TBCK: variants seen among roughly 807,000 people sequenced by gnomAD.
TBCK encodes TBC domain-containing protein kinase-like protein.
In TBCK, 99 loss-of-function variants were observed where a neutral mutation model predicts 113.4. The observed-to-expected ratio is 0.87, with a 90% CI of 0.74 to 1.03. The LOEUF is 1.03. TBCK is among the 50% of genes least tolerant of loss of function. TBCK has a pLI of 0.00. For synonymous variants in TBCK, 369 were observed against 370.8 expected, an observed-to-expected ratio of 1.00 and a Z score of 0.05; for missense variants, 1,045 against 1,061.3, an observed-to-expected ratio of 0.98 and a Z score of 0.21.
intron 25 of TBCK, among the ~76,000 whole-genome samples, chr4:106,083,550 T>TC (rs928936228): frequency 2.6e-5 from 4 of 152,024 alleles, no homozygotes; most frequent in African/African-American, 9.7e-5. Context: ...CGAGTGGGTT[T>TC]CCCCCCAGTG....
At chr4:106,073,923 G>T (rs915924682) in intron 25 of TBCK, among the ~76,000 whole-genome samples, 3 of 152,336 alleles carry the variant, frequency 2.0e-5, no homozygotes, top group African/African-American at 7.2e-5. Flanking sequence ...CACTGAGCCA[G>T]GCACAGGATA....
chr4:106,175,430 A>G (rs909855628), intron 22 of TBCK, among the ~76,000 whole-genome samples: 3 of 150,004 alleles, frequency 2.0e-5, no homozygotes, highest in Non-Finnish European at 4.4e-5. Flanking sequence ...ATTTGGGGAC[A>G]TGGTTATTTT....
upstream of TBCK, chr4:106,316,560 G>A (rs765085658): frequency 2.6e-6 from 4 of 1,551,622 alleles, no homozygotes; most frequent in East Asian, 4.9e-5. Context: ...GCTTCCTGCT[G>A]TGGCTGTCTC....
intron 3 of TBCK, among the ~76,000 whole-genome samples, chr4:106,293,802 AG>A (rs978844286): frequency 2.6e-5 from 4 of 152,234 alleles, no homozygotes; most frequent in Non-Finnish European, 5.9e-5. Context: ...ATTATTAACC[AG>A]TCAGAGTAAC....
chr4:106,281,750 C>T (rs1764618093), intron 3 of TBCK, among the ~76,000 whole-genome samples: 1 of 152,028 alleles, frequency 6.6e-6, no homozygotes, highest in South Asian at 2.1e-4. Flanking sequence ...ATCCTTGCAT[C>T]CCTGGGATAA....
At chr4:106,107,321 C>A (rs1742285066) in intron 24 of TBCK, among the ~76,000 whole-genome samples, 1 of 152,158 alleles carries the variant, frequency 6.6e-6, no homozygotes. Flanking sequence ...CACCCCAAAC[C>A]AACAGAATAT....
intron 2 of TBCK, among the ~76,000 whole-genome samples, chr4:106,307,557 T>A (rs1038731834): frequency 1.3e-5 from 2 of 152,148 alleles, no homozygotes; most frequent in Non-Finnish European, 2.9e-5. Context: ...AAGAAAACAT[T>A]GTTTGCATTT....
intron 25 of TBCK, among the ~76,000 whole-genome samples, chr4:106,080,527 T>C (rs1378993495): frequency 6.6e-6 from 1 of 152,202 alleles, no homozygotes; most frequent in Admixed American, 6.5e-5. Context: ...TGACTCCAGA[T>C]GGATTAAAGA....
intron 24 of TBCK, among the ~76,000 whole-genome samples, chr4:106,114,013 C>T (rs1743189752): frequency 6.6e-6 from 1 of 152,148 alleles, no homozygotes; most frequent in African/African-American, 2.4e-5. Flanking sequence ...CATGTCACTC[C>T]TTAATTGGAA....
chr4:106,077,071 A>G (rs1738278446), intron 25 of TBCK, among the ~76,000 whole-genome samples: 2 of 152,204 alleles, frequency 1.3e-5, no homozygotes, highest in Admixed American at 1.3e-4. Flanking sequence ...ACTGCACTCC[A>G]GCTGGGGAGA....
rs145762773 is a variant in TBCK, at chr4:106,073,951, G to C, written c.2571+21531C>G. On this transcript the variant is annotated intron_variant, in intron 25 of 25. Coordinates refer to ENST00000394708, the MANE Select transcript of TBCK (RefSeq NM_001163435.3). Reference sequence around the variant, plus strand: ...ACAGGATATAATCTCCTGGAGTGCCGTTTGCTAAGACCATTGGAAAAGTGC... The same window carrying C: ...ACAGGATATAATCTCCTGGAGTGCCCTTTGCTAAGACCATTGGAAAAGTGC... 3.9e-3 allele frequency among the ~76,000 whole-genome samples: 593 copies of C among 152,312 alleles called. 6 individuals carry two copies. The highest frequency in any genetic ancestry group is 0.013 in the African/African-American group (545 of 41,568).
At chr4:106,082,753 G>A (rs1739033576) in intron 25 of TBCK, among the ~76,000 whole-genome samples, 3 of 152,102 alleles carry the variant, frequency 2.0e-5, no homozygotes, top group Admixed American at 2.0e-4. Flanking sequence ...TCCTTCACTG[G>A]CAACCAAGGT....
chr4:106,175,358 ATTTT>A (rs34198925), intron 22 of TBCK, among the ~76,000 whole-genome samples: 1 of 137,298 alleles, frequency 7.3e-6, no homozygotes. Flanking sequence ...ATCAGATTGA[ATTTT>A]TTTTTTTTTT....
chr4:106,240,716 G>T (rs1760013725), intron 12 of TBCK, among the ~76,000 whole-genome samples: 1 of 151,838 alleles, frequency 6.6e-6, no homozygotes, highest in Non-Finnish European at 1.5e-5. Context: ...GCCTAGAAAA[G>T]AACTATAAAC....
chr4:106,173,036 A>G (rs532441692), intron 22 of TBCK, among the ~76,000 whole-genome samples: 27 of 152,272 alleles, frequency 1.8e-4, no homozygotes, highest in African/African-American at 5.8e-4. Flanking sequence ...CAGTTACTCA[A>G]TTAGGCATTC....
At chr4:106,160,658 A>C (rs1463570696) in intron 23 of TBCK, among the ~76,000 whole-genome samples, 1 of 152,088 alleles carries the variant, frequency 6.6e-6, no homozygotes, top group Non-Finnish European at 1.5e-5. Context: ...ACCCTTGCAC[A>C]CTGTTGGTAA....
At chr4:106,177,167 G>C (rs1425609305) in intron 22 of TBCK, among the ~76,000 whole-genome samples, 1 of 151,802 alleles carries the variant, frequency 6.6e-6, no homozygotes, top group African/African-American at 2.4e-5. Context: ...TGTCTATTCA[G>C]ATCATCTACC....
At position 106,235,376 on chromosome 4, in the gene TBCK, T is replaced by A. The variant is rs774815942; in HGVS notation, c.1351-9A>T. On this transcript the variant is annotated splice_polypyrimidine_tract_variant and intron_variant, in intron 14 of 25. Transcript: ENST00000394708. Reference sequence around the variant, plus strand: ...TTTTTATATGGATAAGCCTATGATATCAAAAAAGAAATGAAAACGTCTCAA... The same window carrying A: ...TTTTTATATGGATAAGCCTATGATAACAAAAAAGAAATGAAAACGTCTCAA... 5 of 1,572,486 alleles carry A rather than the reference T, an allele frequency of 3.2e-6. No individual in the cohort carries two copies. The highest frequency in any genetic ancestry group is 4.5e-5 in the East Asian group (2 of 44,168).
intron 3 of TBCK, among the ~76,000 whole-genome samples, chr4:106,273,123 G>T (rs564764241): frequency 6.6e-6 from 1 of 152,256 alleles, no homozygotes; most frequent in East Asian, 1.9e-4. Flanking sequence ...ATTAAAGACT[G>T]GGTCTGGATA....
Sources: allele counts gnomAD v4.1 joint callset (sites outside exome capture counted in the v4.1 genomes callset), GRCh38; gene constraint gnomAD v4.1.1; transcripts MANE v1.5; gene names NCBI Gene and HGNC (gene_info 2026-07-23, HGNC 2026-07-21).